The following SHOC2 variants were observed in gnomAD, a reference collection of about 807,000 sequenced individuals.
The protein encoded by SHOC2 is SHOC2 leucine rich repeat scaffold protein, also known as leucine-rich repeat protein SHOC-2.
Under a neutral mutation model 50.2 loss-of-function variants are expected in SHOC2, and 4 were observed. The ratio of observed to expected loss-of-function variants is 0.08; its 90% confidence interval spans 0.04 to 0.18. The LOEUF (loss-of-function observed/expected upper bound fraction) is 0.18, where lower values mean the gene tolerates loss of function less well. SHOC2 is among the 10% of genes least tolerant of loss of function. The pLI, the probability that SHOC2 is intolerant of heterozygous loss-of-function variation, is 1.00. For missense variants in SHOC2, 388 were observed against 669.6 expected, an observed-to-expected ratio of 0.58 and a Z score of 4.64; for synonymous variants, 218 against 244.5, an observed-to-expected ratio of 0.89 and a Z score of 1.01.
chr10:110,969,638 T>A (rs926921229), intron 2 of SHOC2, among the ~76,000 whole-genome samples: 1 of 152,192 alleles, frequency 6.6e-6, no homozygotes, highest in African/African-American at 2.4e-5. Context: ...ATTTCTTCTC[T>A]TTCTTTAAAG....
intron 1 of SHOC2, among the ~76,000 whole-genome samples, chr10:110,928,320 G>A (rs1003843110): frequency 1.3e-5 from 2 of 151,688 alleles, no homozygotes; most frequent in Non-Finnish European, 2.9e-5. Context: ...ATAATTTCCC[G>A]AGACTGTTGT....
intron 1 of SHOC2, among the ~76,000 whole-genome samples, chr10:110,922,981 C>T (rs1037077154): frequency 6.6e-5 from 10 of 151,970 alleles, no homozygotes; most frequent in Admixed American, 5.2e-4. Flanking sequence ...TGTTGGTAGA[C>T]CTGTATTTCA....
intron 4 of SHOC2, among the ~76,000 whole-genome samples, chr10:111,001,570 C>G (rs1252886478): frequency 6.6e-6 from 1 of 152,154 alleles, no homozygotes. Flanking sequence ...TATAGTTGTT[C>G]AAGCATGTCT....
At chr10:110,930,103 A>T (rs1158895244) in intron 1 of SHOC2, among the ~76,000 whole-genome samples, 1 of 152,196 alleles carries the variant, frequency 6.6e-6, no homozygotes, top group African/African-American at 2.4e-5. Flanking sequence ...TAATACAGAG[A>T]TAATGAGATT....
rs755112435 is a variant in SHOC2, at chr10:111,000,500, T to G, written c.927T>G (p.Leu309=). 1 of 1,612,050 alleles carries G rather than the reference T, an allele frequency of 6.2e-7. No individual in the cohort carries two copies. Among genetic ancestry groups the G allele is most frequent in the South Asian group, 1.1e-5 (1 of 91,056 alleles). The part of the protein sequence containing the change: ...IPRSLAKCSA[L]EELNLENNNI... ...GATCATTAGCAAAATGCAGTGCACT[T>G]GAAGAATTAAATTTAGAGAACAATA... is the stretch of plus-strand genomic sequence containing the variant. The change falls in exon 4 of 9, where the codon CTT becomes CTG. Residue 309 remains leucine (L), a synonymous_variant. Coordinates refer to ENST00000369452, the MANE Select transcript of SHOC2 (RefSeq NM_007373.4).
chr10:110,955,638 A>T (rs1388294868), intron 1 of SHOC2, among the ~76,000 whole-genome samples: 1 of 152,214 alleles, frequency 6.6e-6, no homozygotes, highest in Non-Finnish European at 1.5e-5. Flanking sequence ...TGTAGTGTGA[A>T]AGGGAACTTC....
chr10:110,951,179 T>C (rs888198668), intron 1 of SHOC2, among the ~76,000 whole-genome samples: 1 of 152,146 alleles, frequency 6.6e-6, no homozygotes, highest in Admixed American at 6.5e-5. Context: ...AAGAACTCAA[T>C]GATACAAAAA....
intron 3 of SHOC2, among the ~76,000 whole-genome samples, chr10:110,992,360 G>A (rs1848200239): frequency 6.6e-6 from 1 of 152,132 alleles, no homozygotes; most frequent in Non-Finnish European, 1.5e-5. Flanking sequence ...TATTTTATAT[G>A]AATATTTTCT....
chr10:110,981,876 T>TATTTATTTATTATACTC (rs1554859803), intron 2 of SHOC2, among the ~76,000 whole-genome samples: 4,101 of 135,340 alleles, frequency 0.03, 216 homozygotes, highest in East Asian at 0.14. Context: ...ATTTATTTTT[T>TATTTATTTATTATACTC]TAAGTTTTAG....
chr10:110,970,717 T>G (rs1271455655), intron 2 of SHOC2, among the ~76,000 whole-genome samples: 3 of 124,786 alleles, frequency 2.4e-5, no homozygotes, highest in Non-Finnish European at 4.9e-5. Flanking sequence ...TTGTTGTTGT[T>G]GTTGTGATGA....
chr10:110,932,557 T>A (rs180910538), intron 1 of SHOC2, among the ~76,000 whole-genome samples: 3 of 152,300 alleles, frequency 2.0e-5, no homozygotes, highest in Admixed American at 2.0e-4. Flanking sequence ...ATTGTCAGAA[T>A]GTAAACATTG....
Position 111,004,180 on chromosome 10 carries a change from G to A in SHOC2, c.973-426G>A, listed in dbSNP as rs1031568632. On this transcript the variant is annotated intron_variant, in intron 4 of 8. Transcript: ENST00000369452. ...AGAGGTATATGACTAAGACTAGGTA[G>A]GATTGGTCACACAGCCAGTGGCAGA... Among the ~76,000 whole-genome samples the A allele has an allele frequency of 5.3e-5, 8 of 152,174 alleles. 1 individual carries two copies. The highest frequency in any genetic ancestry group is 2.1e-4 in the South Asian group (1 of 4,830).
intron 3 of SHOC2, among the ~76,000 whole-genome samples, chr10:110,999,163 A>G (rs1484889694): frequency 6.6e-6 from 1 of 152,196 alleles, no homozygotes; most frequent in East Asian, 1.9e-4. Context: ...GTTTAATTTA[A>G]AAGTAAAGGC....
At chr10:110,999,895 A>AT (rs892233397) in intron 3 of SHOC2, among the ~76,000 whole-genome samples, 42 of 152,206 alleles carry the variant, frequency 2.8e-4, no homozygotes, top group African/African-American at 1.0e-3. Flanking sequence ...GGGTTGAGAA[A>AT]TTTTTTACCA....
In SHOC2 at chr10:110,930,735, C is replaced by CTTTTTTTTTTTTTT. The variant is rs772553111; in HGVS notation, c.-235+11080_-235+11093dup. Among the ~76,000 whole-genome samples the CTTTTTTTTTTTTTT allele has an allele frequency of 3.9e-4, 38 of 96,746 alleles. 2 individuals carry two copies. Among genetic ancestry groups the CTTTTTTTTTTTTTT allele is most frequent in the East Asian group, 1.1e-3 (3 of 2,624 alleles). 63.5% of individuals were successfully genotyped at this position (96,746 alleles called of 152,430 possible). ...TTTAAGCAAATATTCACGAGTAAAT[C>CTTTTTTTTTTTTTT]TTTTTTTTTTTTTTTGGTAGTGTTT... On this transcript the variant is annotated intron_variant, in intron 1 of 8. Transcript: ENST00000369452.
chr10:110,944,314 G>A (rs1257787652), intron 1 of SHOC2, among the ~76,000 whole-genome samples: 1 of 148,446 alleles, frequency 6.7e-6, no homozygotes, highest in Non-Finnish European at 1.5e-5. Flanking sequence ...ACCTTTATGT[G>A]TGCTCCTTCT....
intron 1 of SHOC2, among the ~76,000 whole-genome samples, chr10:110,961,347 A>G (rs186444257): frequency 6.6e-6 from 1 of 152,356 alleles, no homozygotes; most frequent in Non-Finnish European, 1.5e-5. Flanking sequence ...TACTCTCAAT[A>G]TGTTTTCTTA....
chr10:110,952,826 G>T (rs779584987), intron 1 of SHOC2, among the ~76,000 whole-genome samples: 14 of 152,074 alleles, frequency 9.2e-5, no homozygotes, highest in Non-Finnish European at 1.9e-4. Context: ...GGTTTTTTGT[G>T]CCTGTGTTAG....
chr10:110,987,077 G>T (rs1439785189), intron 3 of SHOC2, among the ~76,000 whole-genome samples: 2 of 152,118 alleles, frequency 1.3e-5, no homozygotes, highest in Non-Finnish European at 2.9e-5. Context: ...CCTAGATTTT[G>T]ACTCTTGCTG....
Sources: allele counts gnomAD v4.1 joint callset (sites outside exome capture counted in the v4.1 genomes callset), GRCh38; gene constraint gnomAD v4.1.1; transcripts MANE v1.5; gene names NCBI Gene and HGNC (gene_info 2026-07-23, HGNC 2026-07-21).